The following CACUL1 variants were observed in gnomAD, a reference collection of about 807,000 sequenced individuals.
CACUL1 encodes the protein CDK2-associated and cullin domain-containing protein 1.
CACUL1 carries 13 observed loss-of-function variants against 45.2 expected under a neutral mutation model. That is an observed-to-expected ratio of 0.29 (90% CI 0.19 to 0.46). The LOEUF (loss-of-function observed/expected upper bound fraction) is 0.46. Ranked by LOEUF, CACUL1 falls within the 20% of genes least tolerant of loss-of-function variation. The pLI is 1.00. For synonymous variants in CACUL1, 197 were observed against 174.2 expected (o/e 1.13, Z -1.03); for missense variants, 421 against 471.4 (o/e 0.89, Z 0.99).
chr10:118,745,178 T>C (rs1845829491), intron 1 of CACUL1, among the ~76,000 whole-genome samples: 1 of 152,134 alleles, frequency 6.6e-6, no homozygotes, highest in African/African-American at 2.4e-5. Context: ...TAATCATAAA[T>C]CCTAGAGTAA....
chr10:118,718,550 G>A (rs10787856), intron 3 of CACUL1, among the ~76,000 whole-genome samples: 83,074 of 151,948 alleles, frequency 0.55, 23,876 homozygotes, highest in Middle Eastern at 0.66. Context: ...CTCACGGCCC[G>A]TGAAGATATT....
At chr10:118,711,232 AC>A (rs1240296970) in intron 3 of CACUL1, among the ~76,000 whole-genome samples, 4 of 152,216 alleles carry the variant, frequency 2.6e-5, no homozygotes, top group Non-Finnish European at 4.4e-5. Flanking sequence ...GGTGTGGGCA[AC>A]CACACCCAGC....
intron 6 of CACUL1, chr10:118,691,663 C>G (rs888398863): frequency 6.3e-6 from 2 of 315,182 alleles, no homozygotes; most frequent in African/African-American, 4.5e-5. Flanking sequence ...GTCAGGAGAT[C>G]GAGACCATCC....
intron 5 of CACUL1, among the ~76,000 whole-genome samples, chr10:118,697,888 CTAG>C (rs1845337959): frequency 6.6e-6 from 1 of 152,114 alleles, no homozygotes. Context: ...ACAATAGAGC[CTAG>C]TAGTTTACTT....
chr10:118,750,000 T>G (rs118069953), intron 1 of CACUL1, among the ~76,000 whole-genome samples: 1 of 152,200 alleles, frequency 6.6e-6, no homozygotes, highest in African/African-American at 2.4e-5. Flanking sequence ...GTGGGAACTA[T>G]AGAAAACACT....
At position 118,730,239 on chromosome 10, in the gene CACUL1, C is replaced by T. The variant is rs761263014; in HGVS notation, c.494+45G>A. The T allele has an allele frequency of 1.1e-5, 17 of 1,599,862 alleles. No individual in the cohort carries two copies. The East Asian group carries it at 1.6e-4, about 15-fold the overall frequency. On this transcript the variant is annotated intron_variant, in intron 2 of 8. Transcript: ENST00000369151. ...GAGGCATAATTCAAGTGCCTTGAAC[C>T]TTAGTATACCCTTTCAAACCCAAGC... is the stretch of plus-strand genomic sequence containing the variant.
In CACUL1 at chr10:118,748,283, G is replaced by A. The variant is rs1194605104; in HGVS notation, c.367+6113C>T. 2.0e-5 allele frequency among the ~76,000 whole-genome samples: 3 copies of A among 152,252 alleles called. No homozygotes were observed. In the East Asian group the frequency reaches 5.8e-4, roughly 29 times the overall value. Reference sequence around the variant, plus strand: ...TCTGTACCTGGTAACCTTGAAAGACGAGATAACATCTCCCGCTAGACAAAG... The same window carrying A: ...TCTGTACCTGGTAACCTTGAAAGACAAGATAACATCTCCCGCTAGACAAAG... On this transcript the variant is annotated intron_variant, in intron 1 of 8. Coordinates refer to ENST00000369151, the MANE Select transcript of CACUL1 (RefSeq NM_153810.5).
intron 3 of CACUL1, among the ~76,000 whole-genome samples, chr10:118,721,016 A>G (rs1421164063): frequency 6.6e-6 from 1 of 152,206 alleles, no homozygotes; most frequent in African/African-American, 2.4e-5. Flanking sequence ...GAAACCTATG[A>G]AGAAAGGATA....
At chr10:118,713,191 G>A (rs1427312399) in intron 3 of CACUL1, among the ~76,000 whole-genome samples, 1 of 152,254 alleles carries the variant, frequency 6.6e-6, no homozygotes, top group Non-Finnish European at 1.5e-5. Flanking sequence ...TGGCCAGGCT[G>A]CGACAGCACC....
intron 3 of CACUL1, among the ~76,000 whole-genome samples, chr10:118,719,742 C>T (rs975961868): frequency 6.6e-6 from 1 of 151,298 alleles, no homozygotes; most frequent in African/African-American, 2.4e-5. Context: ...ATCCTGGAGG[C>T]GGAGGTTGCG....
At chr10:118,720,359 T>G (rs528203039) in intron 3 of CACUL1, among the ~76,000 whole-genome samples, 2 of 152,314 alleles carry the variant, frequency 1.3e-5, no homozygotes, top group Admixed American at 6.5e-5. Flanking sequence ...CCCCACATAC[T>G]TTATCTCTAT....
At position 118,735,525 on chromosome 10, in the gene CACUL1, C is replaced by T. The variant is rs1325205566; in HGVS notation, c.368-5115G>A. Among the ~76,000 whole-genome samples the T allele has an allele frequency of 7.2e-5, 11 of 152,184 alleles. No homozygotes were observed. The East Asian group carries it at 2.1e-3, about 29-fold the overall frequency. ...CCAGGAAGCTGTTTAACAAGCCCTCCAGATAATTCTTACGCCTGTTAAAGT... is the reference window on the plus strand; with the variant it reads ...CCAGGAAGCTGTTTAACAAGCCCTCTAGATAATTCTTACGCCTGTTAAAGT... On this transcript the variant is annotated intron_variant, in intron 1 of 8. Coordinates refer to ENST00000369151, the MANE Select transcript of CACUL1 (RefSeq NM_153810.5).
intron 1 of CACUL1, among the ~76,000 whole-genome samples, chr10:118,746,561 A>C (rs1845845308): frequency 6.6e-6 from 1 of 152,212 alleles, no homozygotes; most frequent in African/African-American, 2.4e-5. Context: ...ATTTCTTAGG[A>C]TACAAAAAAC....
intron 1 of CACUL1, among the ~76,000 whole-genome samples, chr10:118,745,560 C>CA (rs567433613): frequency 0.053 from 7,257 of 137,150 alleles, 206 homozygotes; most frequent in Non-Finnish European, 0.059. Flanking sequence ...GACTCCGTCT[C>CA]AAAAAAAAAA....
intron 3 of CACUL1, among the ~76,000 whole-genome samples, chr10:118,708,863 C>T (rs1477877707): frequency 1.3e-5 from 2 of 152,162 alleles, no homozygotes; most frequent in African/African-American, 4.8e-5. Context: ...TCCTAGCCTC[C>T]GGCACCATGA....
intron 3 of CACUL1, among the ~76,000 whole-genome samples, chr10:118,721,171 T>A (rs34909357): frequency 0.26 from 39,566 of 152,180 alleles, 6,530 homozygotes; most frequent in South Asian, 0.37. Context: ...AAATTTCAAA[T>A]GACCGTACAC....
At position 118,754,468 on chromosome 10, in the gene CACUL1, C is replaced by A. The variant is rs1441603422; in HGVS notation, c.295G>T (p.Ala99Ser). 8.1e-6 allele frequency: 13 copies of A among 1,606,984 alleles called. No homozygotes were observed. Among genetic ancestry groups the A allele is most frequent in the Non-Finnish European group, 1.0e-5 (12 of 1,177,162 alleles). Residue 99 changes from alanine (A) to serine (S), a missense_variant, in exon 1 of 9, where the codon GCC (alanine) becomes TCC (serine). Coordinates refer to ENST00000369151, the MANE Select transcript of CACUL1 (RefSeq NM_153810.5). ...GGGGCGGGGGCCGCCTTGGCCACGG[C>A]GGCGGCCGCGTCGCAGCTCTTCAAC... ...MMLKSCDAAA[A>S]VAKAAPAPTA... is the part of the protein sequence containing the mutation.
At chr10:118,720,722 T>C (rs1845592241) in intron 3 of CACUL1, among the ~76,000 whole-genome samples, 1 of 152,226 alleles carries the variant, frequency 6.6e-6, no homozygotes, top group African/African-American at 2.4e-5. Flanking sequence ...ATCTCTATTT[T>C]TGGGCCTGGT....
intron 5 of CACUL1, among the ~76,000 whole-genome samples, chr10:118,699,455 T>C (rs1845355686): frequency 6.6e-6 from 1 of 152,212 alleles, no homozygotes; most frequent in Admixed American, 6.5e-5. Context: ...TCCAATAAAA[T>C]TAGTTTCCAA....
Sources: gnomAD v4.1 joint callset for allele counts (sites outside exome capture counted in the v4.1 genomes callset) on GRCh38, gnomAD v4.1.1 for gene constraint, MANE v1.5 for transcripts, NCBI Gene and HGNC (gene_info 2026-07-23, HGNC 2026-07-21) for gene names.